Variants in ABLIM1 observed in about 807,000 individuals in gnomAD.
ABLIM1 encodes the protein actin binding LIM protein 1, also known as actin-binding LIM protein 1.
ABLIM1 carries 40 observed loss-of-function variants against 107.0 expected under a neutral mutation model. The ratio of observed to expected loss-of-function variants is 0.37; its 90% confidence interval spans 0.29 to 0.49. The LOEUF is 0.49. ABLIM1 is among the 20% of genes least tolerant of loss of function. The probability of loss-of-function intolerance (pLI) is 0.97; values close to 1 mark genes in which losing one functional copy is unlikely to be tolerated. For missense variants in ABLIM1, 857 were observed against 1,008.5 expected, an observed-to-expected ratio of 0.85 and a Z score of 2.04; for synonymous variants, 357 against 357.3, an observed-to-expected ratio of 1.00 and a Z score of 0.01.
Position 114,575,543 on chromosome 10 carries a change from A to G in ABLIM1, c.436T>C (p.Cys146Arg). Residue 146 changes from cysteine to arginine, a missense_variant, in exon 3 of 23, where the codon TGC becomes CGC. This residue lies in a region of ABLIM1 where 381 missense variants were observed against 506.9 expected (regional missense o/e 0.75). Transcript: ENST00000533213. Reference protein sequence around the residue: ...GFFIKNGEYLCTLDYQRMYGT... With the variant: ...GFFIKNGEYLRTLDYQRMYGT... The stretch of plus-strand genomic sequence containing the variant: ...TACATCCGCTGGTAGTCCAGGGTGC[A>G]GAGATACTCTCCGTTCTTTATGAAG... The G allele has an allele frequency of 6.2e-7, 1 of 1,614,208 alleles. No homozygotes were observed. Among genetic ancestry groups the G allele is most frequent in the Non-Finnish European group, 8.5e-7 (1 of 1,180,036 alleles).
At chr10:114,460,983 C>A (rs2063768935) in intron 12 of ABLIM1, among the ~76,000 whole-genome samples, 1 of 152,166 alleles carries the variant, frequency 6.6e-6, no homozygotes, top group Non-Finnish European at 1.5e-5. Flanking sequence ...ATATAATAGC[C>A]AAGTGAGGAA....
chr10:114,496,793 G>T (rs2059723591), intron 6 of ABLIM1, among the ~76,000 whole-genome samples: 1 of 152,244 alleles, frequency 6.6e-6, no homozygotes, highest in South Asian at 2.1e-4. Context: ...CGGTGAGCCA[G>T]AGTCAAAAGG....
intron 1 of ABLIM1, among the ~76,000 whole-genome samples, chr10:114,648,267 G>A (rs2079089676): frequency 6.6e-6 from 1 of 152,108 alleles, no homozygotes; most frequent in Non-Finnish European, 1.5e-5. Context: ...CCAGAAAGCA[G>A]GAACAACACA....
chr10:114,536,203 G>A (rs1429441822), intron 6 of ABLIM1, among the ~76,000 whole-genome samples: 1 of 133,382 alleles, frequency 7.5e-6, no homozygotes, highest in African/African-American at 3.0e-5. Context: ...GGTCTTTTGT[G>A]ACTGTCTTTT....
At chr10:114,444,950 G>T (rs567553996) in intron 16 of ABLIM1, among the ~76,000 whole-genome samples, 1 of 152,196 alleles carries the variant, frequency 6.6e-6, no homozygotes, top group East Asian at 1.9e-4. Flanking sequence ...GGGAAGGAAG[G>T]TGTGGCACTA....
intron 1 of ABLIM1, among the ~76,000 whole-genome samples, chr10:114,728,264 ACTG>A (rs1302125182): frequency 6.6e-6 from 1 of 152,204 alleles, no homozygotes; most frequent in Non-Finnish European, 1.5e-5. Flanking sequence ...ACGCTTTTAT[ACTG>A]CTGGTAATAT....
At chr10:114,444,959 T>C (rs1589729634) in intron 16 of ABLIM1, among the ~76,000 whole-genome samples, 1 of 152,240 alleles carries the variant, frequency 6.6e-6, no homozygotes, top group African/African-American at 2.4e-5. Flanking sequence ...GGTGTGGCAC[T>C]ACCTGGGTGG....
chr10:114,460,687 G>A (rs1184703764), intron 12 of ABLIM1, among the ~76,000 whole-genome samples: 2 of 152,218 alleles, frequency 1.3e-5, no homozygotes, highest in Non-Finnish European at 2.9e-5. Context: ...TCGTGATGTA[G>A]GAGTCTCATT....
At chr10:114,551,248 C>T (rs967882441) in intron 4 of ABLIM1, among the ~76,000 whole-genome samples, 1 of 152,200 alleles carries the variant, frequency 6.6e-6, no homozygotes, top group African/African-American at 2.4e-5. Flanking sequence ...CCTTTTTCCT[C>T]GGTTAGGAGC....
chr10:114,494,096 T>A (rs1390376728), intron 6 of ABLIM1, among the ~76,000 whole-genome samples: 1 of 152,194 alleles, frequency 6.6e-6, no homozygotes, highest in East Asian at 1.9e-4. Context: ...ACCAGTTGCA[T>A]AGCCATACAT....
chr10:114,491,627 G>A (rs1263703234), intron 7 of ABLIM1, among the ~76,000 whole-genome samples, 164 bp downstream of exon 7: 2 of 152,132 alleles, frequency 1.3e-5, no homozygotes, highest in African/African-American at 4.8e-5. Flanking sequence ...CTGCTTGGCT[G>A]ATTAATACTA....
At chr10:114,793,401 GT>G in the ABLIM1 span, among the ~76,000 whole-genome samples, 1 of 152,020 alleles carries the variant, frequency 6.6e-6, no homozygotes, top group African/African-American at 2.4e-5. Context: ...ATGACTGTAA[GT>G]TTCCTGAGGC....
intron 6 of ABLIM1, among the ~76,000 whole-genome samples, chr10:114,544,421 G>C (rs913877633): frequency 6.6e-6 from 1 of 152,214 alleles, no homozygotes; most frequent in Admixed American, 6.5e-5. Flanking sequence ...CCTGTGTGGC[G>C]GCTGCTGAGA....
At chr10:114,796,344 G>A in the ABLIM1 span, among the ~76,000 whole-genome samples, 2 of 152,102 alleles carry the variant, frequency 1.3e-5, no homozygotes, top group South Asian at 2.1e-4. Context: ...ACTGGAGCTG[G>A]GGGATCTACT....
chr10:114,665,116 C>T (rs1408163069), intron 1 of ABLIM1, among the ~76,000 whole-genome samples: 2 of 144,544 alleles, frequency 1.4e-5, no homozygotes. Flanking sequence ...GACTCCGTCT[C>T]AAAAAAAAAA....
intron 6 of ABLIM1, among the ~76,000 whole-genome samples, chr10:114,541,341 T>TA (rs1201220031): frequency 7.2e-5 from 11 of 152,096 alleles, no homozygotes; most frequent in African/African-American, 2.7e-4. Context: ...AGAAAACTAA[T>TA]ACATTTGTAA....
At chr10:114,479,471 C>T (rs1470636904) in intron 8 of ABLIM1, among the ~76,000 whole-genome samples, 3 of 152,198 alleles carry the variant, frequency 2.0e-5, no homozygotes, top group Non-Finnish European at 4.4e-5. Context: ...TAGCCTTCCC[C>T]TCCTTGAGAA....
chr10:114,711,694 A>G (rs923884138), intron 1 of ABLIM1, among the ~76,000 whole-genome samples: 3 of 152,200 alleles, frequency 2.0e-5, no homozygotes, highest in Non-Finnish European at 4.4e-5. Flanking sequence ...CTAAAGAGGC[A>G]AGGGGTGGAG....
At chr10:114,560,052 C>A (rs554066581) in intron 4 of ABLIM1, among the ~76,000 whole-genome samples, 12 of 152,316 alleles carry the variant, frequency 7.9e-5, no homozygotes, top group African/African-American at 2.6e-4. Flanking sequence ...TTAGTGGGCA[C>A]CAGCCCAGTA....
Sources: gnomAD v4.1 joint callset for allele counts (sites outside exome capture counted in the v4.1 genomes callset) on GRCh38, gnomAD v4.1.1 for gene constraint, gnomAD v4.1.1 regional missense constraint, MANE v1.5 for transcripts, NCBI Gene and HGNC (gene_info 2026-07-23, HGNC 2026-07-21) for gene names.